The following ANKFN1 variants were observed in gnomAD, a reference collection of about 807,000 sequenced individuals.
ANKFN1 encodes ankyrin repeat and fibronectin type-III domain-containing protein 1.
Under a neutral mutation model 108.7 loss-of-function variants are expected in ANKFN1, and 74 were observed. The observed-to-expected ratio is 0.68, with a 90% CI of 0.56 to 0.83. The LOEUF is 0.83. Among genes scored for constraint, ANKFN1 ranks in the 40% least tolerant of loss-of-function variants. The probability of loss-of-function intolerance (pLI) is 0.00; values close to 1 mark genes in which losing one functional copy is unlikely to be tolerated. For synonymous variants in ANKFN1, 547 were observed against 516.2 expected (o/e 1.06, Z -0.81); for missense variants, 1,505 against 1,382.3 (o/e 1.09, Z -1.41).
At chr17:56,262,693 C>T (rs563130717) in intron 3 of ANKFN1, among the ~76,000 whole-genome samples, 1 of 152,262 alleles carries the variant, frequency 6.6e-6, no homozygotes, top group South Asian at 2.1e-4. Flanking sequence ...CATCTTGAGA[C>T]AGCCATAGAA....
At chr17:56,337,511 C>G (rs895814919) in intron 4 of ANKFN1, among the ~76,000 whole-genome samples, 1 of 152,062 alleles carries the variant, frequency 6.6e-6, no homozygotes, top group Non-Finnish European at 1.5e-5. Context: ...AAGAAACTAC[C>G]GTCAGAGTCA....
intron 1 of ANKFN1, among the ~76,000 whole-genome samples, chr17:56,188,575 GTGTGTGTATATATATATATATATATATA>G (rs1912509987): frequency 2.3e-5 from 2 of 88,252 alleles, no homozygotes; most frequent in African/African-American, 5.6e-5. Flanking sequence ...GTGTGTGTGT[GTGTGTGTATATATATATATATATATATA>G]TATATATATA....
At chr17:56,322,505 A>G (rs957863404) in intron 3 of ANKFN1, among the ~76,000 whole-genome samples, 4 of 152,058 alleles carry the variant, frequency 2.6e-5, no homozygotes, top group Admixed American at 6.5e-5. Context: ...ACTCTTTAAC[A>G]TGGTGTTCGA....
chr17:56,063,471 T>C (rs758151354), intron 4 of ANKFN1, among the ~76,000 whole-genome samples: 5 of 151,982 alleles, frequency 3.3e-5, no homozygotes, highest in Non-Finnish European at 5.9e-5. Context: ...TCTCTAGTCT[T>C]GTCTGTATGC....
In ANKFN1 at chr17:56,096,642, G is replaced by A. The variant is rs143119979; in HGVS notation, c.288+50317G>A. 4.7e-3 allele frequency among the ~76,000 whole-genome samples: 713 copies of A among 152,288 alleles called. 4 individuals carry two copies. The highest frequency in any genetic ancestry group is 0.016 in the African/African-American group (660 of 41,556). ...GGCGAGGTTGCAGAGAAAAGAGAATGTTTATACACTGCTGGTGGAAATGTA... is the reference window on the plus strand; with the variant it reads ...GGCGAGGTTGCAGAGAAAAGAGAATATTTATACACTGCTGGTGGAAATGTA... On this transcript the variant is annotated intron_variant, in intron 4 of 12. Coordinates refer to the ANKFN1 transcript ENST00000635860.
At chr17:56,227,756 G>A (rs1160736753) in intron 2 of ANKFN1, among the ~76,000 whole-genome samples, 161 bp from the exon 3 acceptor site, 1 of 151,812 alleles carries the variant, frequency 6.6e-6, no homozygotes, top group Non-Finnish European at 1.5e-5. Context: ...ACAGCCTCCT[G>A]TATCCCCAAG....
At chr17:56,392,203 A>C (rs1404743052) in intron 8 of ANKFN1, among the ~76,000 whole-genome samples, 1 of 152,212 alleles carries the variant, frequency 6.6e-6, no homozygotes, top group African/African-American at 2.4e-5. Flanking sequence ...AAATTTGTGC[A>C]AGGTCCCATA....
intron 4 of ANKFN1, among the ~76,000 whole-genome samples, chr17:56,054,223 A>G (rs1481410118): frequency 6.6e-6 from 1 of 152,238 alleles, no homozygotes; most frequent in Non-Finnish European, 1.5e-5. Flanking sequence ...ACTACTGGGT[A>G]TGTACCCAAA....
intron 3 of ANKFN1, among the ~76,000 whole-genome samples, chr17:56,252,837 A>G (rs904868887): frequency 1.3e-5 from 2 of 151,698 alleles, no homozygotes; most frequent in Admixed American, 1.3e-4. Context: ...ACGAGGGAGG[A>G]TCACTTGAGG....
At chr17:56,320,079 C>T (rs1342984901) in intron 3 of ANKFN1, among the ~76,000 whole-genome samples, 5 of 152,116 alleles carry the variant, frequency 3.3e-5, no homozygotes, top group Admixed American at 2.6e-4. Context: ...GTTTCCTCAT[C>T]GATAAAAAGT....
intron 3 of ANKFN1, 116 bp from the exon 4 acceptor site, chr17:56,326,105 C>T: frequency 1.4e-6 from 2 of 1,391,266 alleles, no homozygotes; most frequent in East Asian, 2.4e-5. Flanking sequence ...GTTTACTTCT[C>T]CCTTTCTCTC....
chr17:56,116,726 T>C (rs2143276894), intron 4 of ANKFN1, among the ~76,000 whole-genome samples: 1 of 152,322 alleles, frequency 6.6e-6, no homozygotes. Context: ...ACCTCTTTTC[T>C]TTATAAATTA....
intron 4 of ANKFN1, among the ~76,000 whole-genome samples, chr17:56,111,978 A>G (rs1429347642): frequency 6.6e-6 from 1 of 152,186 alleles, no homozygotes; most frequent in Non-Finnish European, 1.5e-5. Context: ...TGCCTGGGCT[A>G]TATATTTTTA....
chr17:56,420,106 T>C (rs762854342), intron 8 of ANKFN1, among the ~76,000 whole-genome samples: 1 of 152,154 alleles, frequency 6.6e-6, no homozygotes, highest in Non-Finnish European at 1.5e-5. Flanking sequence ...ACCACGTTAT[T>C]CCCTCTGCAT....
At chr17:56,468,993 T>C (rs1021342215) in intron 15 of ANKFN1, among the ~76,000 whole-genome samples, 2 of 152,204 alleles carry the variant, frequency 1.3e-5, no homozygotes, top group African/African-American at 4.8e-5. Context: ...GGGTCTGGGC[T>C]ACCTTTGCTC....
At chr17:56,204,073 G>A (rs963162819) in intron 1 of ANKFN1, among the ~76,000 whole-genome samples, 13 of 152,088 alleles carry the variant, frequency 8.5e-5, no homozygotes, top group African/African-American at 3.1e-4. Flanking sequence ...TAGAGACAGA[G>A]TCTCACTCTG....
At chr17:56,284,128 C>T (rs2044156017) in intron 3 of ANKFN1, among the ~76,000 whole-genome samples, 1 of 152,108 alleles carries the variant, frequency 6.6e-6, no homozygotes, top group South Asian at 2.1e-4. Flanking sequence ...TGTGTGCACA[C>T]ATGCTCACAG....
intron 8 of ANKFN1, among the ~76,000 whole-genome samples, chr17:56,410,394 C>CTAT (rs1439155715): frequency 1.3e-5 from 2 of 151,978 alleles, no homozygotes. Flanking sequence ...CATGCCAGGC[C>CTAT]TATTATTATT....
intron 3 of ANKFN1, among the ~76,000 whole-genome samples, chr17:56,285,643 T>C (rs2044194639): frequency 6.6e-6 from 1 of 152,194 alleles, no homozygotes; most frequent in South Asian, 2.1e-4. Context: ...CTCCTGCTTC[T>C]ACCCACAGCT....
Sources: gnomAD v4.1 joint callset for allele counts (sites outside exome capture counted in the v4.1 genomes callset) on GRCh38, gnomAD v4.1.1 for gene constraint, MANE v1.5 for transcripts, NCBI Gene and HGNC (gene_info 2026-07-23, HGNC 2026-07-21) for gene names.